SHISA6: variants seen among roughly 807,000 people sequenced by gnomAD.
SHISA6 encodes the protein protein shisa-6.
In SHISA6, 22 loss-of-function variants were observed where a neutral mutation model predicts 47.9. That is an observed-to-expected ratio of 0.46 (90% CI 0.33 to 0.66). SHISA6 has a LOEUF of 0.66. Among genes scored for constraint, SHISA6 ranks in the 30% least tolerant of loss-of-function variants. The pLI, the probability that SHISA6 is intolerant of heterozygous loss-of-function variation, is 0.02. For synonymous variants in SHISA6, 388 were observed against 337.8 expected, an observed-to-expected ratio of 1.15 and a Z score of -1.63; for missense variants, 680 against 764.6, an observed-to-expected ratio of 0.89 and a Z score of 1.30.
At chr17:11,360,975 T>C (rs2142229231) in intron 2 of SHISA6, among the ~76,000 whole-genome samples, 1 of 151,678 alleles carries the variant, frequency 6.6e-6, no homozygotes, top group East Asian at 1.9e-4. Context: ...TGTTTTCTTT[T>C]TCCCCCACTG....
rs570791344 is a variant in SHISA6, at chr17:11,326,046, G to A, written c.800-53368G>A. Among the ~76,000 whole-genome samples the A allele has an allele frequency of 2.0e-4, 31 of 152,282 alleles. 1 individual carries two copies. The highest frequency in any genetic ancestry group is 3.4e-3 in the Middle Eastern group (1 of 294). ...AGCAGTTTGGGAGGCCAAGGCCGGC[G>A]GATCACGAGGTCAGGAGATCGTTAG... On this transcript the variant is annotated intron_variant, in intron 2 of 5. Coordinates refer to ENST00000441885, the MANE Select transcript of SHISA6 (RefSeq NM_207386.4).
At chr17:11,287,970 C>G (rs1053609222) in intron 2 of SHISA6, among the ~76,000 whole-genome samples, 5 of 151,978 alleles carry the variant, frequency 3.3e-5, no homozygotes, top group African/African-American at 1.2e-4. Flanking sequence ...CCCCATCACC[C>G]AACTTCAAAA....
intron 3 of SHISA6, among the ~76,000 whole-genome samples, chr17:11,475,009 A>T (rs765068115): frequency 4.6e-4 from 70 of 152,034 alleles, no homozygotes; most frequent in Admixed American, 2.0e-3. Flanking sequence ...TATTTCTGTG[A>T]TTTTTTTAAG....
At chr17:11,511,503 CA>C (rs561748604) in intron 3 of SHISA6, among the ~76,000 whole-genome samples, 1 of 150,762 alleles carries the variant, frequency 6.6e-6, no homozygotes, top group African/African-American at 2.4e-5. Flanking sequence ...CTTCCCCCCA[CA>C]AAAAAACAGT....
intron 2 of SHISA6, among the ~76,000 whole-genome samples, chr17:11,357,068 A>G (rs1253860882): frequency 2.0e-5 from 3 of 151,698 alleles, no homozygotes; most frequent in Admixed American, 6.6e-5. Flanking sequence ...ACCACCTGTA[A>G]TCCCAGCTAC....
chr17:11,241,674 G>A lies in SHISA6; in HGVS notation c.252G>A (p.Ala84=). 6.8e-7 allele frequency: 1 copy of A among 1,468,832 alleles called. No homozygotes were observed. The highest frequency in any genetic ancestry group is 2.4e-5 in the Admixed American group (1 of 41,644). 91.0% of individuals were successfully genotyped at this position (1,468,832 alleles called of 1,614,324 possible). ...AGCCCGCGGCGGCTGTGGCGGCGGC[G>A]GCCAGCGCGGCCGTCACCTACGAGA... ...RGQPAAAVAA[A]ASAAVTYETC... Residue 84 remains alanine, a synonymous_variant, in exon 1 of 6, where the codon GCG becomes GCA. Coordinates refer to ENST00000441885, the MANE Select transcript of SHISA6 (RefSeq NM_207386.4). The surrounding 1 kb of genome is among the most constrained non-coding windows in gnomAD (Gnocchi z 5.5).
At chr17:11,532,943 T>G (rs905043054) in intron 3 of SHISA6, among the ~76,000 whole-genome samples, 1 of 151,980 alleles carries the variant, frequency 6.6e-6, no homozygotes, top group Admixed American at 6.6e-5. Flanking sequence ...TTCCTCCCTT[T>G]CCACTCCCAG....
intron 2 of SHISA6, among the ~76,000 whole-genome samples, chr17:11,268,825 A>G (rs929246724): frequency 6.6e-6 from 1 of 152,218 alleles, no homozygotes; most frequent in Non-Finnish European, 1.5e-5. Flanking sequence ...GAAAGATGAC[A>G]TAGTCCTTTA....
At chr17:11,305,633 T>C (rs186693155) in intron 2 of SHISA6, among the ~76,000 whole-genome samples, 1 of 152,328 alleles carries the variant, frequency 6.6e-6, no homozygotes. Context: ...TCTTTGAGTT[T>C]GGTGTTGCGG....
chr17:11,422,642 G>T (rs1914482150), intron 3 of SHISA6, among the ~76,000 whole-genome samples: 1 of 151,884 alleles, frequency 6.6e-6, no homozygotes, highest in African/African-American at 2.4e-5. Context: ...CACGCCTGTA[G>T]TCCCAGCTAC....
At chr17:11,461,970 A>C (rs1915702807) in intron 3 of SHISA6, among the ~76,000 whole-genome samples, 1 of 152,230 alleles carries the variant, frequency 6.6e-6, no homozygotes, top group African/African-American at 2.4e-5. Context: ...AATCCTTTCC[A>C]AGGGCAAATA....
intron 3 of SHISA6, among the ~76,000 whole-genome samples, chr17:11,452,480 C>T (rs948565963): frequency 6.6e-6 from 1 of 152,278 alleles, no homozygotes; most frequent in Non-Finnish European, 1.5e-5. Flanking sequence ...ATTAGAGTGA[C>T]TCAGTGGATC....
At chr17:11,347,010 G>A (rs1422654419) in intron 2 of SHISA6, among the ~76,000 whole-genome samples, 1 of 152,164 alleles carries the variant, frequency 6.6e-6, no homozygotes, top group Non-Finnish European at 1.5e-5. Flanking sequence ...TGTTTGCGGA[G>A]TTGAGTCTGT....
Position 11,301,379 on chromosome 17 carries a change from T to C in SHISA6, c.799+37853T>C, listed in dbSNP as rs183523653. ...AAGGGGATGGTACATTGACCTTTAT[T>C]TGTCTTTCTAATTTTCCACTTCTTT... is the stretch of plus-strand genomic sequence containing the variant. On this transcript the variant is annotated intron_variant, in intron 2 of 5. Transcript: ENST00000441885. Among the ~76,000 whole-genome samples the C allele has an allele frequency of 3.3e-5, 5 of 152,238 alleles. No homozygotes were observed. The East Asian group carries it at 9.7e-4, about 29-fold the overall frequency.
At chr17:11,511,878 C>T (rs1275264975) in intron 3 of SHISA6, among the ~76,000 whole-genome samples, 1 of 152,188 alleles carries the variant, frequency 6.6e-6, no homozygotes, top group Non-Finnish European at 1.5e-5. Context: ...ACAGCCAGCC[C>T]AGCCCTGGAT....
intron 3 of SHISA6, among the ~76,000 whole-genome samples, chr17:11,440,858 C>A (rs961282263): frequency 6.6e-6 from 1 of 151,820 alleles, no homozygotes; most frequent in Non-Finnish European, 1.5e-5. Context: ...CCCAGCCATG[C>A]TCTTCTTACA....
chr17:11,453,686 C>T (rs952307692), intron 3 of SHISA6, among the ~76,000 whole-genome samples: 1 of 152,124 alleles, frequency 6.6e-6, no homozygotes, highest in Non-Finnish European at 1.5e-5. Context: ...TTAAAATTAG[C>T]TTTTGGTGGG....
At chr17:11,442,675 C>G (rs1915123439) in intron 3 of SHISA6, among the ~76,000 whole-genome samples, 1 of 152,152 alleles carries the variant, frequency 6.6e-6, no homozygotes, top group Admixed American at 6.5e-5. Context: ...AGAATCTATG[C>G]TAATAGATTC....
intron 4 of SHISA6, among the ~76,000 whole-genome samples, chr17:11,555,033 G>T (rs2071964063): frequency 1.3e-5 from 2 of 152,134 alleles, no homozygotes; most frequent in African/African-American, 4.8e-5. Context: ...TATCTCAGGG[G>T]AAGGAAGGAG....
Sources: allele counts gnomAD v4.1 joint callset (sites outside exome capture counted in the v4.1 genomes callset), GRCh38; gene constraint gnomAD v4.1.1; non-coding constraint Gnocchi (gnomAD v3.1); transcripts MANE v1.5; gene names NCBI Gene and HGNC (gene_info 2026-07-23, HGNC 2026-07-21).